TENM2: variants seen among roughly 807,000 people sequenced by gnomAD.
TENM2 encodes the protein teneurin transmembrane protein 2, also known as teneurin-2.
A neutral mutation model predicts 245.2 loss-of-function variants in TENM2; 52 were observed. The ratio of observed to expected loss-of-function variants is 0.21; its 90% CI spans 0.17 to 0.27. The LOEUF is 0.27. Ranked by LOEUF, TENM2 falls within the 10% of genes least tolerant of loss-of-function variation. TENM2 has a pLI of 1.00. For missense variants in TENM2, 3,046 were observed against 3,666.8 expected, an observed-to-expected ratio of 0.83 and a Z score of 4.37; for synonymous variants, 1,363 against 1,438.9, an observed-to-expected ratio of 0.95 and a Z score of 1.19.
chr5:167,632,914 C>G lies in TENM2; in HGVS notation c.503-243072C>G, dbSNP rs145375609. 8.4e-3 allele frequency among the ~76,000 whole-genome samples: 1,283 copies of G among 152,254 alleles called. 14 individuals carry two copies. The highest frequency in any genetic ancestry group is 0.029 in the African/African-American group (1,192 of 41,544). Reference sequence around the variant, plus strand: ...TTTATTGCTTTAAAGTGTGGTTTCTCTGTCATGATTTCGTATCATTTTCTG... The same window carrying G: ...TTTATTGCTTTAAAGTGTGGTTTCTGTGTCATGATTTCGTATCATTTTCTG... On this transcript the variant is annotated intron_variant, in intron 2 of 28. Coordinates refer to ENST00000518659, the Ensembl canonical transcript of TENM2.
rs747209026 is a variant in TENM2 at position 168,247,833 on chromosome 5, C to A, written c.6894C>A (p.Val2298=). The A allele has an allele frequency of 1.2e-6, 2 of 1,613,878 alleles. No individual in the cohort carries two copies. The highest frequency in any genetic ancestry group is 3.3e-5 in the Admixed American group (2 of 60,004). Residue 2298 remains valine, a synonymous_variant, in exon 27 of 29, where the codon GTC becomes GTA. Coordinates refer to ENST00000518659, the Ensembl canonical transcript of TENM2. The surrounding 1 kb of genome is among the most constrained non-coding windows in gnomAD (Gnocchi z 7.8). The stretch of plus-strand genomic sequence containing the variant: ...ACAACAAGGCCAGCGGGTGGAGTGT[C>A]CAGTACCGCTATGATGGCGTAGGAC...
chr5:167,188,858 A>G, the TENM2 span, among the ~76,000 whole-genome samples: 1 of 152,152 alleles, frequency 6.6e-6, no homozygotes, highest in South Asian at 2.1e-4. Flanking sequence ...ATTATCCAAG[A>G]TATCAAACTA....
chr5:167,512,738 A>G (rs1227861800), intron 2 of TENM2, among the ~76,000 whole-genome samples: 1 of 152,232 alleles, frequency 6.6e-6, no homozygotes, highest in Non-Finnish European at 1.5e-5. Context: ...AAATGTCAGA[A>G]TTACCTATGG....
chr5:167,401,515 G>C (rs1257050746), intron 2 of TENM2, among the ~76,000 whole-genome samples: 11 of 152,122 alleles, frequency 7.2e-5, no homozygotes, highest in Non-Finnish European at 2.9e-5. Flanking sequence ...AGGACAAAGT[G>C]TAAAATGTTC....
rs145762704 is a variant in TENM2 at position 167,525,604 on chromosome 5, G to A, written c.502+150131G>A. Among the ~76,000 whole-genome samples, 979 of 152,196 alleles carry A rather than the reference G, an allele frequency of 6.4e-3. 6 individuals are homozygous for A. The highest frequency in any genetic ancestry group is 0.037 in the Middle Eastern group (11 of 294). On this transcript the variant is annotated intron_variant, in intron 2 of 28. Coordinates refer to ENST00000518659, the Ensembl canonical transcript of TENM2. ...CTTTATAGAAGACACTCTGGGTATC[G>A]CTAAAGTCCTATTGACCTGGGACCT...
At chr5:167,358,803 GCACACACACACACACACACACACACA>G (rs58530155) in intron 1 of TENM2, among the ~76,000 whole-genome samples, 17 of 143,972 alleles carry the variant, frequency 1.2e-4, no homozygotes, top group Middle Eastern at 3.5e-3. Flanking sequence ...ATTCTGATCT[GCACACACACACACACACACACACACA>G]CACACACACA....
chr5:167,387,427 T>G (rs1049290617), intron 2 of TENM2, among the ~76,000 whole-genome samples: 2 of 152,112 alleles, frequency 1.3e-5, no homozygotes, highest in African/African-American at 4.8e-5. Context: ...GGAGGAGTCT[T>G]TAGGGTTTTC....
intron 2 of TENM2, among the ~76,000 whole-genome samples, chr5:167,785,163 T>C (rs1397640273): frequency 1.3e-5 from 2 of 152,226 alleles, no homozygotes; most frequent in African/African-American, 4.8e-5. Flanking sequence ...GATGTACTTG[T>C]AGAGTTTTTC....
At chr5:168,078,327 T>C (rs1347987261) in intron 7 of TENM2, among the ~76,000 whole-genome samples, 1 of 152,234 alleles carries the variant, frequency 6.6e-6, no homozygotes, top group African/African-American at 2.4e-5. Flanking sequence ...TTCTGGATAT[T>C]AGCCCTTTTT....
chr5:168,098,219 C>A, intron 9 of TENM2, 92 bp downstream of exon 11: 1 of 829,460 alleles, frequency 1.2e-6, no homozygotes, highest in Non-Finnish European at 2.0e-6. Flanking sequence ...AAGTAGCCTT[C>A]CCATCAAATC....
At position 167,619,892 on chromosome 5, in the gene TENM2, A is replaced by G. The variant is rs537067710; in HGVS notation, c.502+244419A>G. On this transcript the variant is annotated intron_variant, in intron 2 of 28. Coordinates refer to ENST00000518659, the Ensembl canonical transcript of TENM2. The stretch of plus-strand genomic sequence containing the variant: ...AAAAATTAATAGGACTGACAGCTTC[A>G]TGGTAGGTGGACAAAAATTCAAGTT... Among the ~76,000 whole-genome samples the G allele has an allele frequency of 3.0e-4, 45 of 152,246 alleles. 1 individual carries two copies. The highest frequency in any genetic ancestry group is 2.7e-3 in the East Asian group (14 of 5,172).
chr5:167,745,892 G>A (rs1320810023), intron 2 of TENM2, among the ~76,000 whole-genome samples: 2 of 152,144 alleles, frequency 1.3e-5, no homozygotes. Flanking sequence ...AGCAGTTGAT[G>A]GACATTTGGA....
intron 2 of TENM2, among the ~76,000 whole-genome samples, chr5:167,624,226 T>G (rs772243832): frequency 4.6e-5 from 7 of 152,136 alleles, no homozygotes; most frequent in Non-Finnish European, 8.8e-5. Flanking sequence ...TACCATGGAA[T>G]AGTACACAGC....
intron 2 of TENM2, among the ~76,000 whole-genome samples, chr5:167,634,492 T>C (rs1393875279): frequency 6.6e-6 from 1 of 151,696 alleles, no homozygotes; most frequent in Admixed American, 6.6e-5. Flanking sequence ...TTTTTTTTTT[T>C]TTGAGAGAGA....
chr5:167,635,642 T>A (rs1198820212), intron 2 of TENM2, among the ~76,000 whole-genome samples: 1 of 18,520 alleles, frequency 5.4e-5, no homozygotes, highest in South Asian at 1.5e-3. Context: ...TCTTTTTTTT[T>A]TTTTTTTTTT....
chr5:167,294,274 A>T (rs373835854), intron 1 of TENM2: 2 of 152,180 alleles, frequency 1.3e-5, no homozygotes, highest in Non-Finnish European at 2.9e-5. Flanking sequence ...GGTATCCTGT[A>T]GGCTCTCCAT....
intron 12 of TENM2, among the ~76,000 whole-genome samples, chr5:168,159,932 A>T (rs568921256): frequency 2.6e-5 from 4 of 152,302 alleles, no homozygotes; most frequent in African/African-American, 9.6e-5. Flanking sequence ...CTGACACGCT[A>T]GTGTTTTTTG....
At chr5:167,944,201 T>A (rs896454710) in intron 3 of TENM2, among the ~76,000 whole-genome samples, 1 of 152,132 alleles carries the variant, frequency 6.6e-6, no homozygotes, top group African/African-American at 2.4e-5. Context: ...GCTATTAAGC[T>A]CTTAACCCAA....
chr5:167,348,499 G>A (rs1295724416), intron 1 of TENM2, among the ~76,000 whole-genome samples: 1 of 152,142 alleles, frequency 6.6e-6, no homozygotes, highest in Non-Finnish European at 1.5e-5. Flanking sequence ...GTGGGAGGAG[G>A]ACAGCACTGT....
Sources: allele counts gnomAD v4.1 joint callset (sites outside exome capture counted in the v4.1 genomes callset), GRCh38; gene constraint gnomAD v4.1.1; non-coding constraint Gnocchi (gnomAD v3.1); transcripts MANE v1.5; gene names NCBI Gene and HGNC (gene_info 2026-07-23, HGNC 2026-07-21).